The following SPAG6 variants were observed in gnomAD, a reference collection of about 807,000 sequenced individuals.
SPAG6 encodes the protein sperm-associated antigen 6.
A neutral mutation model predicts 58.5 loss-of-function variants in SPAG6; 49 were observed. The observed-to-expected ratio is 0.84, with a 90% confidence interval of 0.67 to 1.06. SPAG6 has a LOEUF of 1.06. Ranked by LOEUF, SPAG6 falls within the 50% of genes least tolerant of loss-of-function variation. The pLI, the probability that SPAG6 is intolerant of heterozygous loss-of-function variation, is 0.00. For synonymous variants in SPAG6, 233 were observed against 225.6 expected (o/e 1.03, Z -0.29); for missense variants, 560 against 611.3 (o/e 0.92, Z 0.89).
At chr10:22,355,447 G>T (rs1028289688) in intron 2 of SPAG6, among the ~76,000 whole-genome samples, 6 of 152,096 alleles carry the variant, frequency 3.9e-5, no homozygotes, top group Non-Finnish European at 8.8e-5. Flanking sequence ...ACAAACAACT[G>T]AATCAACACT....
intron 8 of SPAG6, among the ~76,000 whole-genome samples, chr10:22,396,569 C>T (rs796175929): frequency 7.2e-5 from 11 of 152,252 alleles, no homozygotes; most frequent in African/African-American, 2.6e-4. Context: ...TATCAATAAT[C>T]CACTAAGGAA....
At chr10:22,403,380 C>A (rs61918388) in intron 9 of SPAG6, among the ~76,000 whole-genome samples, 1 of 151,820 alleles carries the variant, frequency 6.6e-6, no homozygotes, top group Admixed American at 6.6e-5. Context: ...TGAGAATATG[C>A]GGTGTTTGGT....
chr10:22,410,916 G>C (rs978410225), intron 9 of SPAG6, 115 bp from the exon 10 acceptor site: 1 of 1,015,034 alleles, frequency 9.9e-7, no homozygotes, highest in African/African-American at 1.6e-5. Flanking sequence ...TTATGTTATA[G>C]GTATATTGGG....
chr10:22,372,999 A>G (rs1233498690), intron 4 of SPAG6, among the ~76,000 whole-genome samples: 1 of 152,204 alleles, frequency 6.6e-6, no homozygotes, highest in East Asian at 1.9e-4. Flanking sequence ...TTACACTGTG[A>G]GGGAGGAATG....
chr10:22,383,257 A>G (rs1406074795), intron 4 of SPAG6, among the ~76,000 whole-genome samples: 1 of 152,168 alleles, frequency 6.6e-6, no homozygotes, highest in East Asian at 1.9e-4. Flanking sequence ...TTTAAAATGA[A>G]CTTCATGAGA....
At position 22,417,350 on chromosome 10, in the gene SPAG6, G is replaced by A. The variant is rs1834890720; in HGVS notation, c.*662G>A. ...GCGAGGGTAGAATTCAGAATAGAGAGTTATACTCCTGCATACATGCTCTCC... is the reference window on the plus strand; with the variant it reads ...GCGAGGGTAGAATTCAGAATAGAGAATTATACTCCTGCATACATGCTCTCC... On this transcript the variant is annotated 3_prime_UTR_variant, in exon 11 of 11. Transcript: ENST00000376624. 1 of 152,162 alleles carries A rather than the reference G, an allele frequency of 6.6e-6. No homozygotes were observed. The highest frequency in any genetic ancestry group is 1.5e-5 in the Non-Finnish European group (1 of 68,048). The allele number at this position is 152,162 out of a possible 1,614,324, so 9.4% of individuals were successfully genotyped here.
rs564084774 is a variant in SPAG6 at position 22,397,131 on chromosome 10, C to T, written c.1198-4030C>T. Reference sequence around the variant, plus strand: ...AACAACCAATCATAATGCATATCTTCTAGAAGGTAATGAATCTTAAAACCA... The same window carrying T: ...AACAACCAATCATAATGCATATCTTTTAGAAGGTAATGAATCTTAAAACCA... On this transcript the variant is annotated intron_variant, in intron 8 of 10. Coordinates refer to ENST00000376624, the MANE Select transcript of SPAG6 (RefSeq NM_012443.4). Among the ~76,000 whole-genome samples, 3 of 151,942 alleles carry T rather than the reference C, an allele frequency of 2.0e-5. No homozygotes were observed. In the East Asian group the frequency reaches 5.8e-4, roughly 29 times the overall value.
At chr10:22,363,237 T>C (rs1042337178) in intron 2 of SPAG6, among the ~76,000 whole-genome samples, 6 of 152,172 alleles carry the variant, frequency 3.9e-5, no homozygotes, top group Admixed American at 2.0e-4. Flanking sequence ...TACAAAGAGA[T>C]GGACAATTTT....
intron 4 of SPAG6, among the ~76,000 whole-genome samples, chr10:22,381,691 A>C (rs767382550): frequency 3.3e-5 from 5 of 152,162 alleles, no homozygotes; most frequent in Non-Finnish European, 5.9e-5. Flanking sequence ...TTATTTACCT[A>C]GTAACAACCA....
Position 22,345,539 on chromosome 10 carries a change from C to A in SPAG6, c.-73C>A. 1 of 1,332,130 alleles carries A rather than the reference C, an allele frequency of 7.5e-7. No individual in the cohort carries two copies. The highest frequency in any genetic ancestry group is 1.3e-5 in the South Asian group (1 of 75,390). The allele number at this position is 1,332,130 out of a possible 1,614,324, so 82.5% of individuals were successfully genotyped here. On this transcript the variant is annotated 5_prime_UTR_variant, in exon 1 of 11. Transcript: ENST00000376624. This position sits in a 1 kb window ranked among gnomAD's most constrained non-coding sequence, Gnocchi z 6.3. ...GGAGGCCGAGTCGTCGCCACGATCGCCCCCTTGGTGGACTCGCAGGCCGAG... is the reference window on the plus strand; with the variant it reads ...GGAGGCCGAGTCGTCGCCACGATCGACCCCTTGGTGGACTCGCAGGCCGAG...
At chr10:22,401,337 T>G in intron 9 of SPAG6, 60 bp downstream of exon 9, 1 of 907,580 alleles carries the variant, frequency 1.1e-6, no homozygotes, top group Non-Finnish European at 1.8e-6. Flanking sequence ...TGTTATTTTT[T>G]TTTTCTGTTG....
chr10:22,383,441 C>G (rs887261945), intron 4 of SPAG6, among the ~76,000 whole-genome samples: 1 of 151,966 alleles, frequency 6.6e-6, no homozygotes, highest in Non-Finnish European at 1.5e-5. Context: ...AGTTCAAGAC[C>G]AGCCTGGCCA....
rs1329569963 is a variant in SPAG6 at position 22,345,721 on chromosome 10, A to G, written c.26-2A>G. On this transcript the variant is annotated splice_acceptor_variant, in intron 1 of 10. Coordinates refer to ENST00000376624, the MANE Select transcript of SPAG6 (RefSeq NM_012443.4). LOFTEE classifies it high-confidence loss of function. This position sits in a 1 kb window ranked among gnomAD's most constrained non-coding sequence, Gnocchi z 6.3. ...GGGCTCCACCGACTCTCTCTCCCGC[A>G]GTGTTCGAGCAATACCAGAAGGCCA... The G allele has an allele frequency of 6.2e-7, 1 of 1,611,128 alleles. No individual in the cohort carries two copies. The highest frequency in any genetic ancestry group is 8.5e-7 in the Non-Finnish European group (1 of 1,178,812).
At chr10:22,366,184 G>A (rs1009863944) in intron 3 of SPAG6, among the ~76,000 whole-genome samples, 4 of 152,122 alleles carry the variant, frequency 2.6e-5, no homozygotes, top group Non-Finnish European at 5.9e-5. Context: ...ACAGATGAAC[G>A]GGTAAACAAA....
intron 3 of SPAG6, among the ~76,000 whole-genome samples, chr10:22,366,674 A>C (rs1837210551): frequency 6.6e-6 from 1 of 152,192 alleles, no homozygotes; most frequent in South Asian, 2.1e-4. Flanking sequence ...CTCTACAAGG[A>C]GTCACAGAAA....
At chr10:22,402,760 G>T (rs987892620) in intron 9 of SPAG6, among the ~76,000 whole-genome samples, 2 of 152,138 alleles carry the variant, frequency 1.3e-5, no homozygotes, top group Admixed American at 6.5e-5. Context: ...TACTGCAAGG[G>T]AAATTGATCC....
chr10:22,362,081 A>C (rs914787655), intron 2 of SPAG6, among the ~76,000 whole-genome samples: 4 of 145,748 alleles, frequency 2.7e-5, no homozygotes, highest in African/African-American at 9.9e-5. Context: ...ATATAAATAT[A>C]TATTTATTTT....
At chr10:22,395,893 A>T (rs957727885) in intron 8 of SPAG6, among the ~76,000 whole-genome samples, 1 of 152,178 alleles carries the variant, frequency 6.6e-6, no homozygotes, top group African/African-American at 2.4e-5. Context: ...ATTTTTAAAA[A>T]TTTTTCAGCA....
rs371709215 is a variant in SPAG6, at chr10:22,371,550, TTTTG to T, written c.472+2884_472+2887del. Among the ~76,000 whole-genome samples, 252 of 152,240 alleles carry T rather than the reference TTTTG, an allele frequency of 1.7e-3. 6 individuals carry two copies. Among genetic ancestry groups the T allele is most frequent in the African/African-American group, 5.2e-3 (217 of 41,548 alleles). On this transcript the variant is annotated intron_variant, in intron 4 of 10. Transcript: ENST00000376624. ...ACAGGCGTGAGCTACTGCGTCCGGCTTTTGTTTGTTTGTTTTGTTTGTTTTTTGA... is the reference window on the plus strand; with the variant it reads ...ACAGGCGTGAGCTACTGCGTCCGGCTTTTGTTTGTTTTGTTTGTTTTTTGA...
Sources: allele counts gnomAD v4.1 joint callset (sites outside exome capture counted in the v4.1 genomes callset), GRCh38; gene constraint gnomAD v4.1.1; non-coding constraint Gnocchi (gnomAD v3.1); transcripts MANE v1.5; gene names NCBI Gene and HGNC (gene_info 2026-07-23, HGNC 2026-07-21).